PTPRO: variants seen among roughly 807,000 people sequenced by gnomAD.
The protein encoded by PTPRO is protein tyrosine phosphatase receptor type O, also known as receptor-type tyrosine-protein phosphatase O.
PTPRO carries 62 observed loss-of-function variants against 145.2 expected under a neutral mutation model. That is an observed-to-expected ratio of 0.43 (90% CI 0.35 to 0.53). The LOEUF is 0.53. Among genes scored for constraint, PTPRO ranks in the 20% least tolerant of loss-of-function variants. PTPRO has a pLI of 0.01. For synonymous variants in PTPRO, 565 were observed against 514.7 expected (o/e 1.10, Z -1.32); for missense variants, 1,345 against 1,482.7 (o/e 0.91, Z 1.53).
chr12:15,513,731 A>G (rs538291986), intron 7 of PTPRO, among the ~76,000 whole-genome samples: 4 of 152,328 alleles, frequency 2.6e-5, no homozygotes, highest in African/African-American at 9.6e-5. Flanking sequence ...GTAATTCCAC[A>G]ATTTTATGTA....
At chr12:15,519,762 TG>T (rs1942674811) in intron 9 of PTPRO, among the ~76,000 whole-genome samples, 1 of 152,200 alleles carries the variant, frequency 6.6e-6, no homozygotes, top group African/African-American at 2.4e-5. Context: ...GGGTTACCCA[TG>T]GGCTATTCAC....
chr12:15,347,951 A>G (rs929822131), intron 1 of PTPRO, among the ~76,000 whole-genome samples: 2 of 152,238 alleles, frequency 1.3e-5, no homozygotes, highest in African/African-American at 4.8e-5. Context: ...GACATACTTA[A>G]TATCATCTGC....
chr12:15,595,009 G>A lies in PTPRO; in HGVS notation c.3619G>A (p.Asp1207Asn). The A allele has an allele frequency of 1.2e-6, 2 of 1,613,874 alleles. No homozygotes were observed. Among genetic ancestry groups the A allele is most frequent in the Non-Finnish European group, 1.7e-6 (2 of 1,179,840 alleles). The change falls in exon 26 of 27, where the codon GAT (aspartate) becomes AAT (asparagine). Residue 1207 changes from aspartate (D) to asparagine (N), a missense_variant. Coordinates refer to ENST00000281171, the MANE Select transcript of PTPRO (RefSeq NM_030667.3). ...GAAGAAGCAGCAGTTCTGCATCAGT[G>A]ATGTCATATACGAGAATGTTAGCAA... is the stretch of plus-strand genomic sequence containing the variant. Reference protein sequence around the residue: ...MKKKQQFCISDVIYENVSKS With the variant: ...MKKKQQFCISNVIYENVSKS
rs778781392 is a variant in PTPRO, at chr12:15,578,850, C to T, written c.2830-3C>T. ...TCTCAAATCCATTCTCTGTCCTTTACAGGAGTTGAAATTGATTGGACTGGA... is the reference window on the plus strand; with the variant it reads ...TCTCAAATCCATTCTCTGTCCTTTATAGGAGTTGAAATTGATTGGACTGGA... On this transcript the variant is annotated splice_region_variant and splice_polypyrimidine_tract_variant and intron_variant, in intron 19 of 26. Coordinates refer to ENST00000281171, the MANE Select transcript of PTPRO (RefSeq NM_030667.3). 3 of 1,573,492 alleles carry T rather than the reference C, an allele frequency of 1.9e-6. No homozygotes were observed. The highest frequency in any genetic ancestry group is 2.2e-5 in the East Asian group (1 of 44,658).
intron 1 of PTPRO, among the ~76,000 whole-genome samples, chr12:15,407,792 T>A (rs1939689009): frequency 6.6e-6 from 1 of 152,258 alleles, no homozygotes; most frequent in African/African-American, 2.4e-5. Context: ...TGACTATTTC[T>A]TCAAATTTTT....
At chr12:15,508,423 G>A (rs2136483185) in intron 6 of PTPRO, 148 bp from the exon 7 acceptor site, 1 of 797,672 alleles carries the variant, frequency 1.3e-6, no homozygotes, top group Non-Finnish European at 2.1e-6. Flanking sequence ...GCTGGGCAGA[G>A]GACCTGAAGA....
At chr12:15,510,897 T>G (rs1027758161) in intron 7 of PTPRO, among the ~76,000 whole-genome samples, 1 of 150,606 alleles carries the variant, frequency 6.6e-6, no homozygotes, top group African/African-American at 2.4e-5. Context: ...ACAGGTGCAG[T>G]GGCTCATGCC....
At chr12:15,572,003 C>T (rs897367858) in intron 19 of PTPRO, among the ~76,000 whole-genome samples, 1 of 152,154 alleles carries the variant, frequency 6.6e-6, no homozygotes, top group African/African-American at 2.4e-5. Context: ...TAAATGAATA[C>T]ATTTAGCCTG....
chr12:15,426,678 T>C (rs938738515), intron 1 of PTPRO, among the ~76,000 whole-genome samples: 1 of 152,086 alleles, frequency 6.6e-6, no homozygotes, highest in Non-Finnish European at 1.5e-5. Context: ...TCCATTGTGC[T>C]ACCTTCCTTG....
rs117599015 is a variant in PTPRO, at chr12:15,339,542, T to A, written c.75+16741T>A. The stretch of plus-strand genomic sequence containing the variant: ...TTAAATGCAAATGCTTAATTCTAAA[T>A]ACGTGTGCTCTGTCTTAATTAGATA... On this transcript the variant is annotated intron_variant, in intron 1 of 26. Coordinates refer to ENST00000281171, the MANE Select transcript of PTPRO (RefSeq NM_030667.3). Among the ~76,000 whole-genome samples the A allele has an allele frequency of 1.3e-3, 201 of 152,298 alleles. 4 individuals carry two copies. The East Asian group carries it at 0.029, about 22-fold the overall frequency.
intron 1 of PTPRO, among the ~76,000 whole-genome samples, chr12:15,479,946 A>G (rs1053195146): frequency 2.0e-5 from 3 of 152,234 alleles, no homozygotes; most frequent in African/African-American, 7.2e-5. Context: ...CTTGGTGTGC[A>G]GGCGGCACAC....
chr12:15,382,872 G>A (rs1248466182), intron 1 of PTPRO, among the ~76,000 whole-genome samples: 1 of 152,168 alleles, frequency 6.6e-6, no homozygotes, highest in Non-Finnish European at 1.5e-5. Flanking sequence ...ATGGGGTACA[G>A]CGTTATGGTT....
In PTPRO at chr12:15,450,481, C is replaced by G. The variant is rs115115753; in HGVS notation, c.76-33493C>G. The stretch of plus-strand genomic sequence containing the variant: ...CCATCCATAAATGTTTCATTTAATT[C>G]TTAAAGTTTAGGCCAGGCATGGTGG... On this transcript the variant is annotated intron_variant, in intron 1 of 26. Transcript: ENST00000281171. Among the ~76,000 whole-genome samples the G allele has an allele frequency of 6.7e-3, 1,017 of 152,226 alleles. 8 individuals are homozygous for G. The highest frequency in any genetic ancestry group is 0.024 in the African/African-American group (982 of 41,548).
At chr12:15,466,049 G>C (rs898999098) in intron 1 of PTPRO, among the ~76,000 whole-genome samples, 3 of 152,080 alleles carry the variant, frequency 2.0e-5, no homozygotes, top group Non-Finnish European at 4.4e-5. Context: ...GTTGAAAGAA[G>C]TATTAACCCC....
At chr12:15,572,949 C>A (rs913518868) in intron 19 of PTPRO, among the ~76,000 whole-genome samples, 2 of 152,008 alleles carry the variant, frequency 1.3e-5, no homozygotes. Context: ...CATTCCCGCA[C>A]AATAGAGAAT....
At chr12:15,377,259 A>C in intron 1 of PTPRO, among the ~76,000 whole-genome samples, 1 of 152,152 alleles carries the variant, frequency 6.6e-6, no homozygotes, top group East Asian at 1.9e-4. Context: ...TGAATACAAA[A>C]GAGAGTAGTT....
intron 1 of PTPRO, among the ~76,000 whole-genome samples, chr12:15,441,363 G>C (rs770517481): frequency 2.7e-5 from 4 of 150,080 alleles, no homozygotes; most frequent in African/African-American, 7.4e-5. Context: ...GCAGTATTAA[G>C]AGGAAAGTTT....
chr12:15,327,396 T>C (rs1198637304), intron 1 of PTPRO, among the ~76,000 whole-genome samples: 1 of 152,144 alleles, frequency 6.6e-6, no homozygotes. Flanking sequence ...TACCCAGATA[T>C]ACAGGTAATA....
chr12:15,581,298 CTT>C (rs147606138), intron 22 of PTPRO, among the ~76,000 whole-genome samples: 24,925 of 122,476 alleles, frequency 0.2, 1,690 homozygotes, highest in East Asian at 0.28. Flanking sequence ...TGAGTGCTTT[CTT>C]TTTTTTTTTT....
Sources: gnomAD v4.1 joint callset for allele counts (sites outside exome capture counted in the v4.1 genomes callset) on GRCh38, gnomAD v4.1.1 for gene constraint, MANE v1.5 for transcripts, NCBI Gene and HGNC (gene_info 2026-07-23, HGNC 2026-07-21) for gene names.